HRH1: variants seen among roughly 807,000 people sequenced by gnomAD.
HRH1 encodes histamine receptor H1, also known as histamine H1 receptor.
Under a neutral mutation model 10.3 loss-of-function variants are expected in HRH1, and 6 were observed. The ratio of observed to expected loss-of-function variants is 0.58; its 90% CI spans 0.32 to 1.15. The LOEUF (loss-of-function observed/expected upper bound fraction) is 1.15, where lower values mean the gene tolerates loss of function less well. HRH1 is among the 50% of genes most tolerant of loss of function. The probability of loss-of-function intolerance (pLI) is 0.05; values close to 1 mark genes in which losing one functional copy is unlikely to be tolerated. For synonymous variants in HRH1, 242 were observed against 236.7 expected (o/e 1.02, Z -0.21); for missense variants, 514 against 615.3 (o/e 0.84, Z 1.74).
At chr3:11,243,544 C>T (rs1271296622) in intron 1 of HRH1, among the ~76,000 whole-genome samples, 1 of 152,226 alleles carries the variant, frequency 6.6e-6, no homozygotes, top group Non-Finnish European at 1.5e-5. Context: ...ATGTTCCAGG[C>T]AGGGAAATGG....
At chr3:11,236,526 G>A (rs1939185894) in intron 1 of HRH1, among the ~76,000 whole-genome samples, 1 of 152,200 alleles carries the variant, frequency 6.6e-6, no homozygotes, top group East Asian at 1.9e-4. Context: ...GTGTTCATCC[G>A]GTGGCTATCA....
chr3:11,167,214 G>C (rs1407022081), intron 1 of HRH1, among the ~76,000 whole-genome samples: 22 of 116,304 alleles, frequency 1.9e-4, no homozygotes, highest in Admixed American at 2.6e-4. Flanking sequence ...CTGTCCCCTG[G>C]CTTCTCCAGG....
intron 1 of HRH1, among the ~76,000 whole-genome samples, chr3:11,209,655 C>G (rs1284458061): frequency 6.9e-6 from 1 of 144,292 alleles, no homozygotes; most frequent in African/African-American, 2.6e-5. Flanking sequence ...GGCTGGAAGT[C>G]TGAGATCAGG....
At chr3:11,144,479 A>ATACCTATAGACGTATAGACATACGCC (rs747602747) in intron 1 of HRH1, among the ~76,000 whole-genome samples, 1 of 143,206 alleles carries the variant, frequency 7.0e-6, no homozygotes, top group Non-Finnish European at 1.6e-5. Flanking sequence ...ATAGACATAT[A>ATACCTATAGACGTATAGACATACGCC]TATACACACA....
At chr3:11,249,161 C>T (rs1173432457) in intron 1 of HRH1, among the ~76,000 whole-genome samples, 1 of 151,922 alleles carries the variant, frequency 6.6e-6, no homozygotes, top group East Asian at 1.9e-4. Context: ...CTTTGGGAGG[C>T]CAAGGCAGGT....
Position 11,259,685 on chromosome 3 carries a change from C to T in HRH1, c.648C>T (p.Ala216=), listed in dbSNP as rs202235368. 2.2e-5 allele frequency: 36 copies of T among 1,613,988 alleles called. No individual in the cohort carries two copies. The highest frequency in any genetic ancestry group is 6.7e-5 in the East Asian group (3 of 44,886). The part of the protein sequence containing the change: ...MLWFYAKIYK[A]VRQHCQHREL... ...GGTTCTATGCCAAGATCTACAAGGC[C>T]GTACGACAACACTGCCAGCACCGGG... Residue 216 remains alanine (A), a synonymous_variant, in exon 2 of 2, where the codon GCC becomes GCT. Coordinates refer to ENST00000431010, the MANE Select transcript of HRH1 (RefSeq NM_001098212.2). This position sits in a 1 kb window ranked among gnomAD's most constrained non-coding sequence, Gnocchi z 4.6.
intron 1 of HRH1, among the ~76,000 whole-genome samples, chr3:11,221,799 A>G (rs971111535): frequency 6.6e-6 from 1 of 152,018 alleles, no homozygotes; most frequent in African/African-American, 2.4e-5. Flanking sequence ...TTTTATCTCT[A>G]TGAATTTGAT....
chr3:11,215,251 C>T (rs142071941), intron 1 of HRH1, among the ~76,000 whole-genome samples: 1 of 152,298 alleles, frequency 6.6e-6, no homozygotes, highest in East Asian at 1.9e-4. Context: ...ACTTTTTGCA[C>T]TCATATTTCA....
At chr3:11,228,067 AC>A (rs1166306308) in intron 1 of HRH1, among the ~76,000 whole-genome samples, 1 of 152,184 alleles carries the variant, frequency 6.6e-6, no homozygotes, top group Non-Finnish European at 1.5e-5. Context: ...ATAACATGAA[AC>A]TCTGAATGTG....
intron 1 of HRH1, among the ~76,000 whole-genome samples, chr3:11,247,783 G>C (rs905611963): frequency 6.6e-6 from 1 of 152,146 alleles, no homozygotes; most frequent in African/African-American, 2.4e-5. Context: ...TTGTTCTTGG[G>C]TGTCAAGAAG....
At chr3:11,171,319 T>C (rs1020778003) in intron 1 of HRH1, among the ~76,000 whole-genome samples, 16 of 152,160 alleles carry the variant, frequency 1.1e-4, no homozygotes, top group Non-Finnish European at 1.8e-4. Context: ...TTTCACCGCA[T>C]TGGCCAGGCT....
At chr3:11,215,750 T>G (rs1938471465) in intron 1 of HRH1, among the ~76,000 whole-genome samples, 2 of 152,212 alleles carry the variant, frequency 1.3e-5, no homozygotes, top group Non-Finnish European at 2.9e-5. Context: ...CGGGTCACTG[T>G]GTTTTACAAG....
chr3:11,215,242 C>G (rs1238401096), intron 1 of HRH1, among the ~76,000 whole-genome samples: 1 of 152,192 alleles, frequency 6.6e-6, no homozygotes, highest in Non-Finnish European at 1.5e-5. Flanking sequence ...CCCATGGAGA[C>G]TTTTTGCACT....
At chr3:11,230,209 TC>T (rs946903573) in intron 1 of HRH1, among the ~76,000 whole-genome samples, 3 of 152,080 alleles carry the variant, frequency 2.0e-5, no homozygotes, top group African/African-American at 7.2e-5. Context: ...AGAGACCAAG[TC>T]CCAGGGCCTG....
At chr3:11,144,219 T>C (rs1248411053) in intron 1 of HRH1, among the ~76,000 whole-genome samples, 1 of 151,612 alleles carries the variant, frequency 6.6e-6, no homozygotes, top group Non-Finnish European at 1.5e-5. Flanking sequence ...CAGAGGAAAA[T>C]AAATTGTTGT....
chr3:11,178,948 G>A (rs943754469), intron 1 of HRH1, among the ~76,000 whole-genome samples: 6 of 152,196 alleles, frequency 3.9e-5, no homozygotes, highest in Non-Finnish European at 8.8e-5. Flanking sequence ...AATAGTGCCT[G>A]GCGTGGAGTA....
At chr3:11,161,434 G>A (rs1283072981) in intron 1 of HRH1, among the ~76,000 whole-genome samples, 1 of 152,150 alleles carries the variant, frequency 6.6e-6, no homozygotes, top group East Asian at 1.9e-4. Context: ...CTTGCCCTCG[G>A]CCCAGGTGAG....
At chr3:11,149,148 T>C (rs1041040334) in intron 1 of HRH1, among the ~76,000 whole-genome samples, 2 of 152,226 alleles carry the variant, frequency 1.3e-5, no homozygotes, top group African/African-American at 2.4e-5. Context: ...TCCCCATTTG[T>C]AACACAGGTA....
intron 1 of HRH1, among the ~76,000 whole-genome samples, chr3:11,246,153 C>T (rs1939480046): frequency 6.6e-6 from 1 of 152,114 alleles, no homozygotes; most frequent in African/African-American, 2.4e-5. Context: ...CACACTCATA[C>T]AGCCCAGCAA....
Sources: gnomAD v4.1 joint callset for allele counts (sites outside exome capture counted in the v4.1 genomes callset) on GRCh38, gnomAD v4.1.1 for gene constraint, Gnocchi (gnomAD v3.1) non-coding constraint, MANE v1.5 for transcripts, NCBI Gene and HGNC (gene_info 2026-07-23, HGNC 2026-07-21) for gene names.